GABRB2: variants seen among roughly 807,000 people sequenced by gnomAD.
GABRB2 encodes the protein gamma-aminobutyric acid type A receptor subunit beta2, also known as gamma-aminobutyric acid receptor subunit beta-2.
Under a neutral mutation model 54.7 loss-of-function variants are expected in GABRB2, and 16 were observed. That is an observed-to-expected ratio of 0.29 (90% confidence interval 0.20 to 0.44). GABRB2 has a LOEUF of 0.44. Ranked by LOEUF, GABRB2 falls within the 20% of genes least tolerant of loss-of-function variation. The pLI, the probability that GABRB2 is intolerant of heterozygous loss-of-function variation, is 1.00. For missense variants in GABRB2, 355 were observed against 644.0 expected (o/e 0.55, Z 4.86); for synonymous variants, 244 against 233.8 (o/e 1.04, Z -0.40).
At chr5:161,417,372 A>G (rs2113134558) in intron 4 of GABRB2, among the ~76,000 whole-genome samples, 1 of 152,234 alleles carries the variant, frequency 6.6e-6, no homozygotes, top group South Asian at 2.1e-4. Context: ...CCCATTTTAT[A>G]CATGAGAAAA....
intron 9 of GABRB2, among the ~76,000 whole-genome samples, chr5:161,306,298 T>G (rs985377086): frequency 6.6e-6 from 1 of 152,228 alleles, no homozygotes; most frequent in African/African-American, 2.4e-5. Flanking sequence ...GTTTGAATCC[T>G]TCTAAAAATC....
chr5:161,477,623 A>G (rs1300400175), intron 3 of GABRB2, among the ~76,000 whole-genome samples: 1 of 151,970 alleles, frequency 6.6e-6, no homozygotes, highest in African/African-American at 2.4e-5. Flanking sequence ...CATGTTTTTC[A>G]GCCTTAAAAA....
At chr5:161,363,601 C>T (rs1329206186) in intron 5 of GABRB2, among the ~76,000 whole-genome samples, 1 of 152,112 alleles carries the variant, frequency 6.6e-6, no homozygotes, top group African/African-American at 2.4e-5. Context: ...ACTAAGGAGG[C>T]TGAGGCAGGA....
chr5:161,533,696 T>C (rs1402490028), intron 3 of GABRB2, among the ~76,000 whole-genome samples: 1 of 152,108 alleles, frequency 6.6e-6, no homozygotes, highest in African/African-American at 2.4e-5. Flanking sequence ...AAAAAAAAGA[T>C]AATAAATTAA....
In GABRB2 at chr5:161,491,080, C is replaced by T. The variant is rs76130499; in HGVS notation, c.238-31236G>A. 6.2e-3 allele frequency among the ~76,000 whole-genome samples: 944 copies of T among 151,714 alleles called. 11 individuals carry two copies. The highest frequency in any genetic ancestry group is 0.021 in the African/African-American group (863 of 41,476). On this transcript the variant is annotated intron_variant, in intron 3 of 9. Coordinates refer to ENST00000393959, the MANE Select transcript of GABRB2 (RefSeq NM_001371727.1). ...CCAGCATTATAAAATTAAACTAATACTTACCAAATATGCCCATGACAGCAA... is the reference window on the plus strand; with the variant it reads ...CCAGCATTATAAAATTAAACTAATATTTACCAAATATGCCCATGACAGCAA...
chr5:161,417,810 A>G (rs1272754236), intron 4 of GABRB2, among the ~76,000 whole-genome samples: 1 of 152,110 alleles, frequency 6.6e-6, no homozygotes. Context: ...TCGCCATTCT[A>G]TCCTCTTGAT....
At position 161,492,564 on chromosome 5, in the gene GABRB2, TTGTG is replaced by T. The variant is rs111553488; in HGVS notation, c.238-32724_238-32721del. ...TCCTTTGGAATTTCTTTGTTGTAAT[TTGTG>T]TGTGTGTGTGTGTGTGTGTGCTTTT... On this transcript the variant is annotated intron_variant, in intron 3 of 9. Transcript: ENST00000393959. 1.8e-3 allele frequency among the ~76,000 whole-genome samples: 262 copies of T among 149,422 alleles called. 1 individual carries two copies. Among genetic ancestry groups the T allele is most frequent in the African/African-American group, 6.1e-3 (250 of 40,870 alleles).
intron 5 of GABRB2, among the ~76,000 whole-genome samples, chr5:161,347,535 C>T (rs1754353714): frequency 6.6e-6 from 1 of 152,060 alleles, no homozygotes; most frequent in Admixed American, 6.6e-5. Flanking sequence ...AAACAGTATC[C>T]TTGGGCCAGG....
At chr5:161,372,785 A>G (rs1755169592) in intron 5 of GABRB2, among the ~76,000 whole-genome samples, 1 of 152,134 alleles carries the variant, frequency 6.6e-6, no homozygotes, top group African/African-American at 2.4e-5. Context: ...TTTACAGATA[A>G]AGCAATTAAA....
intron 5 of GABRB2, among the ~76,000 whole-genome samples, chr5:161,361,224 T>A (rs2113452129): frequency 6.6e-6 from 1 of 152,184 alleles, no homozygotes; most frequent in South Asian, 2.1e-4. Flanking sequence ...GTTAAAAAAA[T>A]GATATATCTA....
chr5:161,302,493 C>CAAT (rs1757567430), intron 9 of GABRB2, among the ~76,000 whole-genome samples: 1 of 152,130 alleles, frequency 6.6e-6, no homozygotes, highest in Non-Finnish European at 1.5e-5. Context: ...TCAAATCCCT[C>CAAT]AATAACCTAA....
At chr5:161,439,213 G>A (rs965983175) in intron 4 of GABRB2, among the ~76,000 whole-genome samples, 8 of 152,276 alleles carry the variant, frequency 5.3e-5, no homozygotes, top group Non-Finnish European at 1.0e-4. Context: ...CTTTTCAGTG[G>A]AAACCTTACA....
At chr5:161,351,628 A>G (rs1052595910) in intron 5 of GABRB2, among the ~76,000 whole-genome samples, 8 of 152,222 alleles carry the variant, frequency 5.3e-5, no homozygotes, top group South Asian at 2.1e-4. Flanking sequence ...AAGCTCCATG[A>G]CATTGGTCTG....
intron 3 of GABRB2, among the ~76,000 whole-genome samples, chr5:161,532,055 T>C (rs1322050442): frequency 2.0e-5 from 3 of 152,052 alleles, no homozygotes; most frequent in Non-Finnish European, 4.4e-5. Context: ...TCACGCAGGG[T>C]ACTTAGCACA....
rs147950011 is a variant in GABRB2 at position 161,295,783 on chromosome 5, C to G, written c.1192-1355G>C. Among the ~76,000 whole-genome samples, 1,093 of 152,294 alleles carry G rather than the reference C, an allele frequency of 7.2e-3. 12 individuals carry two copies. Among genetic ancestry groups the G allele is most frequent in the African/African-American group, 0.024 (992 of 41,554 alleles). On this transcript the variant is annotated intron_variant, in intron 9 of 9. Coordinates refer to ENST00000393959, the MANE Select transcript of GABRB2 (RefSeq NM_001371727.1). ...GACATAATAATTGACCAATTAATCTCTGCCTACTGATCAGACATTCTGCAT... is the reference window on the plus strand; with the variant it reads ...GACATAATAATTGACCAATTAATCTGTGCCTACTGATCAGACATTCTGCAT...
chr5:161,359,179 G>A (rs564863005), intron 5 of GABRB2, among the ~76,000 whole-genome samples: 3 of 152,172 alleles, frequency 2.0e-5, no homozygotes, highest in East Asian at 1.9e-4. Flanking sequence ...AGCACACTTA[G>A]TCCAAACTGT....
chr5:161,490,567 T>C (rs1293022323), intron 3 of GABRB2, among the ~76,000 whole-genome samples: 1 of 151,694 alleles, frequency 6.6e-6, no homozygotes, highest in South Asian at 2.1e-4. Flanking sequence ...GCAGAAGTGC[T>C]CATAAGCATC....
chr5:161,400,791 C>T (rs1008581658), intron 5 of GABRB2, among the ~76,000 whole-genome samples: 1 of 152,170 alleles, frequency 6.6e-6, no homozygotes, highest in African/African-American at 2.4e-5. Flanking sequence ...GACAGCTGTG[C>T]TTACCACCTG....
At chr5:161,530,836 T>G (rs931554436) in intron 3 of GABRB2, among the ~76,000 whole-genome samples, 7 of 152,242 alleles carry the variant, frequency 4.6e-5, no homozygotes, top group African/African-American at 1.7e-4. Context: ...AGTAAACACT[T>G]GTGAGCATTC....
Sources: gnomAD v4.1 joint callset for allele counts (sites outside exome capture counted in the v4.1 genomes callset) on GRCh38, gnomAD v4.1.1 for gene constraint, MANE v1.5 for transcripts, NCBI Gene and HGNC (gene_info 2026-07-23, HGNC 2026-07-21) for gene names.